Variants in DENND1B observed in about 807,000 individuals in gnomAD.
The protein encoded by DENND1B is DENN domain containing 1B.
A neutral mutation model predicts 90.1 loss-of-function variants in DENND1B; 59 were observed. The ratio of observed to expected loss-of-function variants is 0.65; its 90% confidence interval spans 0.53 to 0.81. The LOEUF (loss-of-function observed/expected upper bound fraction) is 0.81. Ranked by LOEUF, DENND1B falls within the 40% of genes least tolerant of loss-of-function variation. DENND1B has a pLI of 0.00. For missense variants in DENND1B, 862 were observed against 912.6 expected, an observed-to-expected ratio of 0.94 and a Z score of 0.71; for synonymous variants, 337 against 324.6, an observed-to-expected ratio of 1.04 and a Z score of -0.41.
chr1:197,594,004 A>G (rs1172838416), intron 14 of DENND1B, among the ~76,000 whole-genome samples: 1 of 152,176 alleles, frequency 6.6e-6, no homozygotes, highest in Non-Finnish European at 1.5e-5. Context: ...AGTCTTTTAA[A>G]GAATGAGACC....
intron 2 of DENND1B, among the ~76,000 whole-genome samples, chr1:197,717,686 G>C (rs1050628171): frequency 9.2e-5 from 14 of 151,674 alleles, no homozygotes; most frequent in Admixed American, 4.6e-4. Context: ...CACTATTAAG[G>C]CTTTTTTAAA....
At chr1:197,526,480 A>G (rs1335054758) in intron 20 of DENND1B, among the ~76,000 whole-genome samples, 1 of 152,168 alleles carries the variant, frequency 6.6e-6, no homozygotes, top group East Asian at 1.9e-4. Flanking sequence ...TAGGGAGGAA[A>G]AAATATTAAT....
intron 7 of DENND1B, among the ~76,000 whole-genome samples, chr1:197,651,373 C>G (rs1263602747): frequency 6.6e-6 from 1 of 151,952 alleles, no homozygotes; most frequent in East Asian, 1.9e-4. Flanking sequence ...TTAAAAGTTT[C>G]AATAGTACAA....
At chr1:197,653,082 C>T (rs1653414648) in intron 6 of DENND1B, among the ~76,000 whole-genome samples, 2 of 151,880 alleles carry the variant, frequency 1.3e-5, no homozygotes, top group Admixed American at 1.3e-4. Context: ...ATAGACTTCT[C>T]ACGATCTTTC....
chr1:197,628,497 C>T (rs1218398322), intron 10 of DENND1B, among the ~76,000 whole-genome samples: 2 of 152,062 alleles, frequency 1.3e-5, no homozygotes, highest in Non-Finnish European at 2.9e-5. Flanking sequence ...AACTGGATCC[C>T]CTCCTTACAC....
In DENND1B at chr1:197,725,642, A is replaced by C. The variant is rs936421148; in HGVS notation, c.83-10568T>G. ...TGAAAAAGACTATAGCCTTGAAAAA[A>C]AAAGTTATATTTGTTCATATGAAAA... is the stretch of plus-strand genomic sequence containing the variant. On this transcript the variant is annotated intron_variant, in intron 2 of 22. Transcript: ENST00000620048. 3.9e-5 allele frequency among the ~76,000 whole-genome samples: 6 copies of C among 152,026 alleles called. No homozygotes were observed. In the South Asian group the frequency reaches 1.2e-3, roughly 32 times the overall value.
chr1:197,527,309 TTTGTTTTTG>T (rs1222018813), intron 20 of DENND1B, among the ~76,000 whole-genome samples: 5 of 110,550 alleles, frequency 4.5e-5, no homozygotes, highest in South Asian at 2.8e-4. Context: ...AAGGTTTTTT[TTTGTTTTTG>T]TTTTTTTTCT....
Position 197,707,384 on chromosome 1 carries a change from T to C in DENND1B, c.126+7647A>G, listed in dbSNP as rs151252942. Reference sequence around the variant, plus strand: ...GTAGGGTGATTATAATTAACAAGAATTTATCACATATTTTCAAATAGCTAG... The same window carrying C: ...GTAGGGTGATTATAATTAACAAGAACTTATCACATATTTTCAAATAGCTAG... On this transcript the variant is annotated intron_variant, in intron 3 of 22. Transcript: ENST00000620048. 9.9e-5 allele frequency among the ~76,000 whole-genome samples: 15 copies of C among 152,004 alleles called. No individual in the cohort carries two copies. The East Asian group carries it at 2.7e-3, about 27-fold the overall frequency.
At chr1:197,659,076 C>T (rs1031468265) in intron 5 of DENND1B, among the ~76,000 whole-genome samples, 3 of 151,040 alleles carry the variant, frequency 2.0e-5, no homozygotes, top group African/African-American at 4.8e-5. Context: ...TTAAACTGTA[C>T]ACTTTTCATG....
At chr1:197,552,440 C>T in intron 16 of DENND1B, 1 of 985,084 alleles carries the variant, frequency 1.0e-6, no homozygotes, top group Non-Finnish European at 1.2e-6. Context: ...TATTAATTGC[C>T]TAGATAATTA....
intron 20 of DENND1B, among the ~76,000 whole-genome samples, chr1:197,539,228 G>C (rs1670146499): frequency 6.6e-6 from 1 of 152,110 alleles, no homozygotes; most frequent in African/African-American, 2.4e-5. Flanking sequence ...GACCATTCTA[G>C]CTATCAACTT....
At chr1:197,578,720 A>G (rs1411308932) in intron 15 of DENND1B, among the ~76,000 whole-genome samples, 1 of 152,240 alleles carries the variant, frequency 6.6e-6, no homozygotes, top group East Asian at 1.9e-4. Context: ...ATACAACAAA[A>G]ATTATACAAT....
intron 1 of DENND1B, among the ~76,000 whole-genome samples, chr1:197,774,881 C>G (rs1275232324): frequency 6.6e-6 from 1 of 152,078 alleles, no homozygotes; most frequent in East Asian, 1.9e-4. Context: ...CGGGCGTCGA[C>G]AAGGCGCTAG....
At chr1:197,565,805 C>A (rs912486844) in intron 15 of DENND1B, among the ~76,000 whole-genome samples, 1 of 150,510 alleles carries the variant, frequency 6.6e-6, no homozygotes, top group African/African-American at 2.5e-5. Flanking sequence ...CATGTCCCTA[C>A]AAAGGACATG....
chr1:197,563,643 C>T (rs1038092765), intron 15 of DENND1B, among the ~76,000 whole-genome samples: 1 of 151,974 alleles, frequency 6.6e-6, no homozygotes, highest in Non-Finnish European at 1.5e-5. Context: ...AAACAATATT[C>T]ATTCTGCAAC....
At chr1:197,736,509 A>C (rs1481232362) in intron 2 of DENND1B, among the ~76,000 whole-genome samples, 1 of 152,150 alleles carries the variant, frequency 6.6e-6, no homozygotes, top group Non-Finnish European at 1.5e-5. Flanking sequence ...TTAAAAAATA[A>C]TAATAATTTG....
chr1:197,506,117 G>A lies in DENND1B; in HGVS notation c.*4343C>T, dbSNP rs1422712050. 2.6e-5 allele frequency: 4 copies of A among 151,444 alleles called. No homozygotes were observed. Among genetic ancestry groups the A allele is most frequent in the African/African-American group, 9.7e-5 (4 of 41,330 alleles). The allele number at this position is 151,444 out of a possible 1,614,324, so 9.4% of individuals were successfully genotyped here. ...CTACATACAGATTTACTCAAATACT[G>A]AAAAACATGACCTTAAGGCATCTGC... On this transcript the variant is annotated 3_prime_UTR_variant, in exon 23 of 23. Coordinates refer to ENST00000620048, the MANE Select transcript of DENND1B (RefSeq NM_001195215.2).
chr1:197,526,552 A>C (rs1669145399), intron 20 of DENND1B, among the ~76,000 whole-genome samples: 2 of 152,162 alleles, frequency 1.3e-5, no homozygotes, highest in African/African-American at 4.8e-5. Context: ...AAATGGAGAA[A>C]TTGAGTACCT....
chr1:197,750,917 T>C (rs933109566), intron 2 of DENND1B, among the ~76,000 whole-genome samples: 3 of 152,122 alleles, frequency 2.0e-5, no homozygotes, highest in African/African-American at 7.2e-5. Flanking sequence ...TGTATGCTTA[T>C]TACAACAGAG....
Sources: allele counts gnomAD v4.1 joint callset (sites outside exome capture counted in the v4.1 genomes callset), GRCh38; gene constraint gnomAD v4.1.1; transcripts MANE v1.5; gene names NCBI Gene and HGNC (gene_info 2026-07-23, HGNC 2026-07-21).